Variants in LRRN2 observed in about 807,000 individuals in gnomAD.
LRRN2 encodes leucine rich repeat neuronal 2.
LRRN2 carries 10 observed loss-of-function variants against 35.7 expected under a neutral mutation model. The ratio of observed to expected loss-of-function variants is 0.28; its 90% CI spans 0.17 to 0.47. The LOEUF (loss-of-function observed/expected upper bound fraction) is 0.47. Among genes scored for constraint, LRRN2 ranks in the 20% least tolerant of loss-of-function variants. The pLI, the probability that LRRN2 is intolerant of heterozygous loss-of-function variation, is 0.99. For synonymous variants in LRRN2, 391 were observed against 409.6 expected (o/e 0.95, Z 0.55); for missense variants, 731 against 940.3 (o/e 0.78, Z 2.91).
intron 1 of LRRN2, among the ~76,000 whole-genome samples, chr1:204,642,802 AC>A (rs2102602822): frequency 6.6e-6 from 1 of 152,310 alleles, no homozygotes; most frequent in Non-Finnish European, 1.5e-5. Flanking sequence ...AGGAACATGA[AC>A]CTGCAGAGGT....
At chr1:204,671,642 TAAAAAA>T (rs35192809) in intron 1 of LRRN2, among the ~76,000 whole-genome samples, 3 of 30,230 alleles carry the variant, frequency 9.9e-5, no homozygotes, top group Admixed American at 1.3e-3. Flanking sequence ...TAATTGATGG[TAAAAAA>T]AAAAAAAAAA....
intron 1 of LRRN2, among the ~76,000 whole-genome samples, chr1:204,622,511 C>T (rs1238252032): frequency 6.6e-6 from 1 of 152,186 alleles, no homozygotes; most frequent in African/African-American, 2.4e-5. Context: ...TGTGTGTGCA[C>T]CGACACGTAA....
At chr1:204,632,733 C>T (rs1200700519) in intron 1 of LRRN2, among the ~76,000 whole-genome samples, 2 of 151,668 alleles carry the variant, frequency 1.3e-5, no homozygotes, top group Non-Finnish European at 2.9e-5. Flanking sequence ...AGATGGAGAC[C>T]ATCCTGACTA....
In LRRN2 at chr1:204,617,971, C is replaced by G. The variant is rs1342775261; in HGVS notation, c.2022G>C (p.Trp674Cys). Residue 674 changes from tryptophan (W) to cysteine (C), a missense_variant, in exon 2 of 2, where the codon TGG becomes TGC. Trp to Cys is a radical substitution (Grantham distance 215). Transcript: ENST00000367177. Reference sequence around the variant, plus strand: ...ACACAACCCGGACAGAAGGGGCACTCCAGCCCCAGAAAGCCCAGGCTGGAG... The same window carrying G: ...ACACAACCCGGACAGAAGGGGCACTGCAGCCCCAGAAAGCCCAGGCTGGAG... ...PLPPAWAFWG[W>C]SAPSVRVVSA... is the part of the protein sequence containing the mutation. The G allele has an allele frequency of 1.2e-6, 2 of 1,613,692 alleles. No homozygotes were observed. Among genetic ancestry groups the G allele is most frequent in the Non-Finnish European group, 1.7e-6 (2 of 1,179,956 alleles).
intron 1 of LRRN2, chr1:204,629,106 T>C (rs1227070110): frequency 6.6e-6 from 1 of 152,260 alleles, no homozygotes; most frequent in African/African-American, 2.4e-5. Context: ...GACATCCCTT[T>C]AGCCCCAGTG....
rs1027088284 is a variant in LRRN2 at position 204,617,202 on chromosome 1, T to C, written c.*649A>G. On this transcript the variant is annotated 3_prime_UTR_variant, in exon 2 of 2. Coordinates refer to ENST00000367177, the MANE Select transcript of LRRN2 (RefSeq NM_201630.2). ...CCTTTCGTTCCTTTCCCCCGTATTA[T>C]TGTTATTATTTATTTTTATTTTTTA... is the stretch of plus-strand genomic sequence containing the variant. 6.6e-6 allele frequency: 1 copy of C among 152,588 alleles called. No homozygotes were observed. Among genetic ancestry groups the C allele is most frequent in the African/African-American group, 2.4e-5 (1 of 41,450 alleles). 9.5% of individuals were successfully genotyped at this position (152,588 alleles called of 1,614,324 possible). A position where few individuals can be genotyped will look rare whatever the true frequency, so the allele number is the denominator to read the frequency against.
intron 1 of LRRN2, among the ~76,000 whole-genome samples, chr1:204,648,118 G>T (rs888113220): frequency 3.3e-5 from 5 of 152,206 alleles, no homozygotes; most frequent in African/African-American, 1.2e-4. Flanking sequence ...TACAGCCACT[G>T]AAGACAAGAT....
Position 204,651,233 on chromosome 1 carries a change from C to T in LRRN2, c.-226-31015G>A, listed in dbSNP as rs537902288. Among the ~76,000 whole-genome samples, 6 of 152,304 alleles carry T rather than the reference C, an allele frequency of 3.9e-5. No individual in the cohort carries two copies. In the South Asian group the frequency reaches 1.0e-3, roughly 26 times the overall value. Reference sequence around the variant, plus strand: ...AACAGGGACCTCAGTCCTACAGCCACCTGAATGAGCTCAGGAGCGGATCTC... The same window carrying T: ...AACAGGGACCTCAGTCCTACAGCCATCTGAATGAGCTCAGGAGCGGATCTC... On this transcript the variant is annotated intron_variant, in intron 1 of 1. Coordinates refer to ENST00000367177, the MANE Select transcript of LRRN2 (RefSeq NM_201630.2).
intron 1 of LRRN2, among the ~76,000 whole-genome samples, chr1:204,657,043 G>C (rs910721412): frequency 2.6e-4 from 39 of 152,246 alleles, no homozygotes; most frequent in African/African-American, 8.9e-4. Flanking sequence ...GGTGGCTCAC[G>C]TCTGTAATCC....
At chr1:204,671,706 T>C (rs1018055838) in intron 1 of LRRN2, among the ~76,000 whole-genome samples, 4 of 121,038 alleles carry the variant, frequency 3.3e-5, no homozygotes, top group Non-Finnish European at 5.2e-5. Flanking sequence ...CCCAAAGAGA[T>C]TAAAGAGTGG....
chr1:204,655,471 T>C lies in LRRN2; in HGVS notation c.-227+29849A>G, dbSNP rs374576561. Among the ~76,000 whole-genome samples, 235 of 152,228 alleles carry C rather than the reference T, an allele frequency of 1.5e-3. 1 individual carries two copies. Among genetic ancestry groups the C allele is most frequent in the African/African-American group, 5.3e-3 (222 of 41,542 alleles). On this transcript the variant is annotated intron_variant, in intron 1 of 1. Coordinates refer to ENST00000367177, the MANE Select transcript of LRRN2 (RefSeq NM_201630.2). ...CCCAGCTAATTTTTTAAAAATGTTT[T>C]TGTTTCTTAGAGAAGGGGTCTTACT...
intron 1 of LRRN2, among the ~76,000 whole-genome samples, chr1:204,634,972 T>C (rs936549670): frequency 1.9e-4 from 29 of 152,202 alleles, no homozygotes; most frequent in African/African-American, 6.5e-4. Flanking sequence ...GTGTGAAATA[T>C]GCATGGTGAG....
intron 1 of LRRN2, among the ~76,000 whole-genome samples, chr1:204,630,809 G>A (rs1182800821): frequency 6.6e-6 from 1 of 152,236 alleles, no homozygotes; most frequent in East Asian, 1.9e-4. Flanking sequence ...CTCAGAGGCT[G>A]CTTCCTGCCT....
chr1:204,649,382 A>G (rs1282386010), intron 1 of LRRN2, among the ~76,000 whole-genome samples: 1 of 152,224 alleles, frequency 6.6e-6, no homozygotes, highest in African/African-American at 2.4e-5. Context: ...CCTGGTTCTC[A>G]GCACACAGAT....
chr1:204,629,229 G>A (rs1402408820), intron 1 of LRRN2: 1 of 152,328 alleles, frequency 6.6e-6, no homozygotes, highest in Non-Finnish European at 1.5e-5. Flanking sequence ...CTTGCCACAA[G>A]TCCCCTTCCT....
chr1:204,640,408 C>A lies in LRRN2; in HGVS notation c.-226-20190G>T, dbSNP rs1359921078. Among the ~76,000 whole-genome samples, 3 of 152,252 alleles carry A rather than the reference C, an allele frequency of 2.0e-5. No individual in the cohort carries two copies. In the East Asian group the frequency reaches 5.8e-4, roughly 29 times the overall value. On this transcript the variant is annotated intron_variant, in intron 1 of 1. Coordinates refer to ENST00000367177, the MANE Select transcript of LRRN2 (RefSeq NM_201630.2). ...TTTGGGGAGACACAAACATTCAGAC[C>A]ATAGAGGCCACCAAACAAGGATGCG...
intron 1 of LRRN2, among the ~76,000 whole-genome samples, chr1:204,682,365 A>T (rs1170069310): frequency 6.6e-6 from 1 of 152,192 alleles, no homozygotes. Context: ...CCTTATACAT[A>T]TTAATAGTCT....
chr1:204,679,362 G>A (rs1223526416), intron 1 of LRRN2, among the ~76,000 whole-genome samples: 2 of 152,132 alleles, frequency 1.3e-5, no homozygotes, highest in Non-Finnish European at 2.9e-5. Flanking sequence ...TACTTTCATC[G>A]ACCACGTTTG....
intron 1 of LRRN2, among the ~76,000 whole-genome samples, chr1:204,642,965 G>A (rs1056782868): frequency 1.3e-5 from 2 of 152,140 alleles, no homozygotes; most frequent in African/African-American, 2.4e-5. Flanking sequence ...ACTGTTTTTC[G>A]GACATGGAGT....
Sources: allele counts gnomAD v4.1 joint callset (sites outside exome capture counted in the v4.1 genomes callset), GRCh38; gene constraint gnomAD v4.1.1; transcripts MANE v1.5; gene names NCBI Gene and HGNC (gene_info 2026-07-23, HGNC 2026-07-21).